The following KCNK12 variants were observed in gnomAD, a reference collection of about 807,000 sequenced individuals.
KCNK12 encodes the protein potassium two pore domain channel subfamily K member 12, also known as potassium channel subfamily K member 12.
Under a neutral mutation model 25.3 loss-of-function variants are expected in KCNK12, and 6 were observed. The ratio of observed to expected loss-of-function variants is 0.24; its 90% CI spans 0.13 to 0.47. The LOEUF (loss-of-function observed/expected upper bound fraction) is 0.47. KCNK12 is among the 20% of genes least tolerant of loss of function. The pLI is 0.99. For missense variants in KCNK12, 444 were observed against 661.7 expected, an observed-to-expected ratio of 0.67 and a Z score of 3.61; for synonymous variants, 331 against 311.1, an observed-to-expected ratio of 1.06 and a Z score of -0.67.
chr2:47,526,829 C>A (rs1409923221), intron 1 of KCNK12, among the ~76,000 whole-genome samples: 1 of 152,184 alleles, frequency 6.6e-6, no homozygotes, highest in Non-Finnish European at 1.5e-5. Flanking sequence ...AAAGGGAGTT[C>A]TTAAAGACAA....
Position 47,521,516 on chromosome 2 carries a change from G to C in KCNK12, c.684C>G (p.Ser228=), listed in dbSNP as rs774455471. The change falls in exon 2 of 2, where the codon TCC becomes TCG. Residue 228 remains serine (S), a synonymous_variant. Transcript: ENST00000327876. ...TGGTGTACATGGCCGAGGCGCAGCA[G>C]GACAGCAGCACGGCGAACAGGCCCA... ...LILGLFAVLL[S]CCASAMYTSV... 315 of 1,584,306 alleles carry C rather than the reference G, an allele frequency of 2.0e-4. No homozygotes were observed. The highest frequency in any genetic ancestry group is 2.7e-4 in the Non-Finnish European group (309 of 1,165,554).
At chr2:47,541,994 A>G (rs1297536790) in intron 1 of KCNK12, among the ~76,000 whole-genome samples, 1 of 152,214 alleles carries the variant, frequency 6.6e-6, no homozygotes, top group Non-Finnish European at 1.5e-5. Context: ...CAGCAGCAGC[A>G]GCAGCGGCAG....
chr2:47,531,950 T>G (rs1232676302), intron 1 of KCNK12, among the ~76,000 whole-genome samples: 2 of 151,856 alleles, frequency 1.3e-5, no homozygotes, highest in African/African-American at 4.8e-5. Flanking sequence ...GCAAATTCTT[T>G]TAGCTTTATA....
At chr2:47,531,747 G>A (rs1668935131) in intron 1 of KCNK12, among the ~76,000 whole-genome samples, 1 of 152,142 alleles carries the variant, frequency 6.6e-6, no homozygotes. Context: ...AAAAACAGTG[G>A]GTGCAGCCAG....
At chr2:47,542,252 G>A (rs549069308) in intron 1 of KCNK12, among the ~76,000 whole-genome samples, 1 of 152,080 alleles carries the variant, frequency 6.6e-6, no homozygotes, top group Admixed American at 6.5e-5. Flanking sequence ...GGGCCCAGGG[G>A]CACAGCCTGG....
In KCNK12 at chr2:47,512,319, AG is replaced by A. The variant is rs1277353237; in HGVS notation, c.*8587del. On this transcript the variant is annotated 3_prime_UTR_variant, in exon 2 of 2. Coordinates refer to ENST00000327876, the MANE Select transcript of KCNK12 (RefSeq NM_022055.2). ...TCCTTTCAGAACCTCAGAGTGACAGAGCCAAAAGACCAGTGCCTCATTTTGC... is the reference window on the plus strand; with the variant it reads ...TCCTTTCAGAACCTCAGAGTGACAGACCAAAAGACCAGTGCCTCATTTTGC... 10 of 1,612,598 alleles carry A rather than the reference AG, an allele frequency of 6.2e-6. No homozygotes were observed. Among genetic ancestry groups the A allele is most frequent in the African/African-American group, 1.3e-5 (1 of 74,930 alleles).
In KCNK12 at chr2:47,565,197, G is replaced by A. The variant is rs193116125; in HGVS notation, c.391+4744C>T. 1.6e-3 allele frequency: 237 copies of A among 152,108 alleles called. 1 individual carries two copies. Among genetic ancestry groups the A allele is most frequent in the African/African-American group, 5.1e-3 (210 of 41,486 alleles). The allele number at this position is 152,108 out of a possible 1,614,324, so 9.4% of individuals were successfully genotyped here. On this transcript the variant is annotated intron_variant, in intron 1 of 1. Coordinates refer to ENST00000327876, the MANE Select transcript of KCNK12 (RefSeq NM_022055.2). The surrounding 1 kb of genome is among the most constrained non-coding windows in gnomAD (Gnocchi z 5.0). ...AAAAAAAAGTTGATGAGAGAAATAC[G>A]CAAGGAAGGATGCGCCTCTCCTTCT...
At chr2:47,561,852 T>C (rs1226629638) in intron 1 of KCNK12, among the ~76,000 whole-genome samples, 2 of 152,134 alleles carry the variant, frequency 1.3e-5, no homozygotes, top group Admixed American at 1.3e-4. Context: ...GCTGGTGTGT[T>C]TAGAGTCGAC....
chr2:47,512,425 G>A lies in KCNK12; in HGVS notation c.*8482C>T. On this transcript the variant is annotated 3_prime_UTR_variant, in exon 2 of 2. Coordinates refer to ENST00000327876, the MANE Select transcript of KCNK12 (RefSeq NM_022055.2). Reference sequence around the variant, plus strand: ...AGAGACAGAACCAGGGCAGTGGTGAGCTCTCATGACCTGGTGTCTGTTGCC... The same window carrying A: ...AGAGACAGAACCAGGGCAGTGGTGAACTCTCATGACCTGGTGTCTGTTGCC... The A allele has an allele frequency of 6.2e-7, 1 of 1,608,120 alleles. No homozygotes were observed.
At chr2:47,546,945 C>T (rs1003745633) in intron 1 of KCNK12, among the ~76,000 whole-genome samples, 2 of 152,046 alleles carry the variant, frequency 1.3e-5, no homozygotes, top group Non-Finnish European at 2.9e-5. Flanking sequence ...AGGGGAACTG[C>T]CCTGAAGAAC....
In KCNK12 at chr2:47,569,946, G is replaced by A; in HGVS notation, c.386C>T (p.Thr129Ile). ...GCGGGGGACGCGCCGCTCACCTATG[G>A]TTGACACCACGGTGCCCACGAAGTA... is the stretch of plus-strand genomic sequence containing the variant. ...AFYFVGTVVS[T>I]IGFGMTTPAT... The change falls in exon 1 of 2, where the codon ACC becomes ATC. Residue 129 changes from threonine (T) to isoleucine (I), a missense_variant. This residue lies in a region of KCNK12 where 44 missense variants were observed against 100.7 expected (regional missense o/e 0.44). Coordinates refer to ENST00000327876, the MANE Select transcript of KCNK12 (RefSeq NM_022055.2). This position sits in a 1 kb window ranked among gnomAD's most constrained non-coding sequence, Gnocchi z 4.1. The A allele has an allele frequency of 7.1e-7, 1 of 1,414,340 alleles. No homozygotes were observed. The highest frequency in any genetic ancestry group is 9.2e-7 in the Non-Finnish European group (1 of 1,083,122). The allele number at this position is 1,414,340 out of a possible 1,614,324, so 87.6% of individuals were successfully genotyped here.
intron 1 of KCNK12, among the ~76,000 whole-genome samples, chr2:47,526,420 A>G (rs1668777680): frequency 6.8e-6 from 1 of 147,398 alleles, no homozygotes; most frequent in African/African-American, 2.5e-5. Context: ...AAAAAAAAAA[A>G]GAGAAAGAAA....
chr2:47,520,929 G>GC lies in KCNK12; in HGVS notation c.1270dup (p.Ala424GlyfsTer39). The stretch of plus-strand genomic sequence containing the variant: ...GGTCTACCTGGAGGCGCTGGTCTCG[G>GC]CCAGCCGGTTGTTCATGATGCCCAG... On this transcript the variant is annotated frameshift_variant, in exon 2 of 2. Transcript: ENST00000327876. LOFTEE classifies it high-confidence loss of function. This position sits in a 1 kb window ranked among gnomAD's most constrained non-coding sequence, Gnocchi z 5.0. The GC allele has an allele frequency of 7.9e-7, 1 of 1,269,360 alleles. No individual in the cohort carries two copies. Among genetic ancestry groups the GC allele is most frequent in the African/African-American group, 1.5e-5 (1 of 64,894 alleles). The allele number at this position is 1,269,360 out of a possible 1,614,324, so 78.6% of individuals were successfully genotyped here. A position where few individuals can be genotyped will look rare whatever the true frequency, so the allele number is the denominator to read the frequency against.
chr2:47,558,544 C>G (rs758248374), intron 1 of KCNK12, among the ~76,000 whole-genome samples: 4 of 152,206 alleles, frequency 2.6e-5, no homozygotes, highest in Non-Finnish European at 4.4e-5. Flanking sequence ...GGCAGAGGCC[C>G]GTGCCTACCT....
At chr2:47,554,287 C>T (rs551480060) in intron 1 of KCNK12, among the ~76,000 whole-genome samples, 1 of 152,228 alleles carries the variant, frequency 6.6e-6, no homozygotes, top group Non-Finnish European at 1.5e-5. Context: ...TGCTCATGAA[C>T]AGGATGATTT....
intron 1 of KCNK12, among the ~76,000 whole-genome samples, chr2:47,549,475 A>C (rs933764149): frequency 6.6e-5 from 10 of 152,210 alleles, no homozygotes; most frequent in Non-Finnish European, 1.5e-4. Flanking sequence ...AATAAGAGAA[A>C]AATAGTCAAT....
intron 1 of KCNK12, among the ~76,000 whole-genome samples, chr2:47,546,120 T>G (rs940544012): frequency 6.6e-6 from 1 of 152,216 alleles, no homozygotes; most frequent in Non-Finnish European, 1.5e-5. Context: ...AGTGGCTTCC[T>G]AGGGTCTAGA....
At chr2:47,554,070 C>T (rs900739169) in intron 1 of KCNK12, among the ~76,000 whole-genome samples, 1 of 152,202 alleles carries the variant, frequency 6.6e-6, no homozygotes, top group African/African-American at 2.4e-5. Flanking sequence ...ATAATTCTCC[C>T]AACCACCACA....
intron 1 of KCNK12, among the ~76,000 whole-genome samples, chr2:47,561,025 T>C (rs1001163241): frequency 6.6e-6 from 1 of 152,194 alleles, no homozygotes; most frequent in African/African-American, 2.4e-5. Flanking sequence ...TTTGCTGCAG[T>C]GCCTTCCTTC....
Sources: gnomAD v4.1 joint callset for allele counts (sites outside exome capture counted in the v4.1 genomes callset) on GRCh38, gnomAD v4.1.1 for gene constraint, gnomAD v4.1.1 regional missense constraint, Gnocchi (gnomAD v3.1) non-coding constraint, MANE v1.5 for transcripts, NCBI Gene and HGNC (gene_info 2026-07-23, HGNC 2026-07-21) for gene names.